Variants in SORBS2 observed in about 807,000 individuals in gnomAD.
SORBS2 encodes sorbin and SH3 domain-containing protein 2.
SORBS2 carries 46 observed loss-of-function variants against 97.7 expected under a neutral mutation model. That is an observed-to-expected ratio of 0.47 (90% CI 0.37 to 0.60). The LOEUF is 0.60. SORBS2 is among the 20% of genes least tolerant of loss of function. The probability of loss-of-function intolerance (pLI) is 0.00; values close to 1 mark genes in which losing one functional copy is unlikely to be tolerated. For missense variants in SORBS2, 1,316 were observed against 1,282.3 expected (o/e 1.03, Z -0.40); for synonymous variants, 476 against 473.4 (o/e 1.01, Z -0.07).
In SORBS2 at chr4:185,862,966, C is replaced by T. The variant is rs141106654; in HGVS notation, c.-337-87600G>A. Among the ~76,000 whole-genome samples the T allele has an allele frequency of 3.0e-3, 462 of 152,326 alleles. 2 individuals carry two copies. The highest frequency in any genetic ancestry group is 0.014 in the Middle Eastern group (4 of 294). ...GGACTCTTGTAGTCAAACCTGCTCA[C>T]GGGTCTAGTGCCTACCTCTATGCCC... On this transcript the variant is annotated intron_variant, in intron 1 of 20. Transcript: ENST00000284776.
chr4:185,731,860 C>CTA (rs2098638717), intron 2 of SORBS2, among the ~76,000 whole-genome samples: 8 of 34,274 alleles, frequency 2.3e-4, no homozygotes, highest in South Asian at 1.2e-3. Context: ...CTCTCTCTCT[C>CTA]TCTCTCTATA....
At chr4:185,917,691 T>C (rs901106413) in intron 1 of SORBS2, among the ~76,000 whole-genome samples, 18 of 151,970 alleles carry the variant, frequency 1.2e-4, no homozygotes, top group Admixed American at 1.3e-4. Context: ...TATCAAAAAT[T>C]GGGGAGAGGC....
chr4:185,657,662 T>C (rs1051295907), upstream of SORBS2: 26 of 1,436,922 alleles, frequency 1.8e-5, no homozygotes, highest in Admixed American at 4.6e-4. Context: ...TCATGTGTCT[T>C]GTTGTATATT....
At chr4:185,893,442 C>T (rs1037810764) in intron 1 of SORBS2, among the ~76,000 whole-genome samples, 1 of 152,202 alleles carries the variant, frequency 6.6e-6, no homozygotes, top group Non-Finnish European at 1.5e-5. Context: ...CATTATTCTC[C>T]AAGATACTGG....
chr4:185,596,221 C>T (rs1276051617), intron 12 of SORBS2, among the ~76,000 whole-genome samples: 1 of 152,114 alleles, frequency 6.6e-6, no homozygotes, highest in East Asian at 1.9e-4. Context: ...GCATCCAATG[C>T]TTTGTAAAAC....
intron 1 of SORBS2, among the ~76,000 whole-genome samples, chr4:185,841,924 T>A (rs1264330482): frequency 6.6e-6 from 1 of 152,190 alleles, no homozygotes; most frequent in East Asian, 1.9e-4. Context: ...GGTGACCAGG[T>A]GGACGGTGAA....
intron 2 of SORBS2, among the ~76,000 whole-genome samples, chr4:185,733,315 G>C (rs1402052423): frequency 6.6e-6 from 1 of 152,050 alleles, no homozygotes; most frequent in Non-Finnish European, 1.5e-5. Context: ...GTGATATGTG[G>C]TGGTGGTAAA....
intron 2 of SORBS2, among the ~76,000 whole-genome samples, chr4:185,719,402 C>A (rs116722285): frequency 7.9e-4 from 120 of 152,278 alleles, no homozygotes; most frequent in African/African-American, 2.8e-3. Context: ...AATTCAGACA[C>A]GTTTTTCTCT....
At chr4:185,772,673 A>G (rs1484266618) in intron 2 of SORBS2, 1 of 152,212 alleles carries the variant, frequency 6.6e-6, no homozygotes, top group Admixed American at 6.5e-5. Flanking sequence ...GGCTACAAAC[A>G]TTCACATTAG....
At chr4:185,730,022 G>A (rs1184821085) in intron 2 of SORBS2, among the ~76,000 whole-genome samples, 1 of 151,722 alleles carries the variant, frequency 6.6e-6, no homozygotes, top group Admixed American at 6.6e-5. Context: ...GAGCCATCTC[G>A]GCTCACTGCA....
chr4:185,617,844 T>C (rs1171117878), intron 9 of SORBS2, among the ~76,000 whole-genome samples: 1 of 152,190 alleles, frequency 6.6e-6, no homozygotes, highest in Non-Finnish European at 1.5e-5. Context: ...GATGGAGACT[T>C]CAATACAGGA....
At chr4:185,852,434 C>G (rs753034622) in intron 1 of SORBS2, among the ~76,000 whole-genome samples, 1 of 151,966 alleles carries the variant, frequency 6.6e-6, no homozygotes, top group Non-Finnish European at 1.5e-5. Flanking sequence ...AGGTCACCAA[C>G]CAAAAAATGG....
chr4:185,777,795 A>AT (rs1560969045), intron 1 of SORBS2, among the ~76,000 whole-genome samples: 1 of 152,148 alleles, frequency 6.6e-6, no homozygotes, highest in Admixed American at 6.6e-5. Flanking sequence ...ACAAAAAAAA[A>AT]AGGTGAATGA....
intron 14 of SORBS2, among the ~76,000 whole-genome samples, chr4:185,588,911 G>A (rs746749234): frequency 6.6e-6 from 1 of 152,042 alleles, no homozygotes; most frequent in African/African-American, 2.4e-5. Context: ...CACCGCACCC[G>A]GCCTTTTTTT....
intron 2 of SORBS2, among the ~76,000 whole-genome samples, chr4:185,731,363 C>T (rs1444318684): frequency 2.0e-5 from 3 of 152,158 alleles, no homozygotes; most frequent in Non-Finnish European, 4.4e-5. Flanking sequence ...CCTGCCATAC[C>T]TAACTAAGCC....
At chr4:185,821,242 G>A (rs2099196674) in intron 1 of SORBS2, among the ~76,000 whole-genome samples, 1 of 152,214 alleles carries the variant, frequency 6.6e-6, no homozygotes, top group Non-Finnish European at 1.5e-5. Context: ...AGGACTTCCA[G>A]GTGGAGGAAG....
chr4:185,727,548 T>C (rs890997252), intron 2 of SORBS2, among the ~76,000 whole-genome samples: 11 of 152,242 alleles, frequency 7.2e-5, no homozygotes, highest in African/African-American at 2.4e-4. Context: ...TAAGCTTTTA[T>C]CAGATCATGT....
chr4:185,886,666 G>C (rs528471160), intron 1 of SORBS2, among the ~76,000 whole-genome samples: 1 of 152,150 alleles, frequency 6.6e-6, no homozygotes, highest in African/African-American at 2.4e-5. Context: ...CTGGAACATG[G>C]GATTCCGTGT....
intron 1 of SORBS2, among the ~76,000 whole-genome samples, chr4:185,795,077 C>T (rs1050048381): frequency 1.3e-5 from 2 of 152,114 alleles, no homozygotes; most frequent in African/African-American, 4.8e-5. Context: ...GCAAACTGAG[C>T]ATGTGCACCT....
Sources: allele counts gnomAD v4.1 joint callset (sites outside exome capture counted in the v4.1 genomes callset), GRCh38; gene constraint gnomAD v4.1.1; transcripts MANE v1.5; gene names NCBI Gene and HGNC (gene_info 2026-07-23, HGNC 2026-07-21).